AKAP7: variants seen among roughly 807,000 people sequenced by gnomAD.
The protein encoded by AKAP7 is A-kinase anchoring protein 7, also known as A kinase (PRKA) anchor protein 7.
Under a neutral mutation model 39.5 loss-of-function variants are expected in AKAP7, and 39 were observed. The observed-to-expected ratio is 0.99, with a 90% CI of 0.76 to 1.29. The LOEUF is 1.29. AKAP7 is among the 50% of genes most tolerant of loss of function. The pLI is 0.00. For synonymous variants in AKAP7, 140 were observed against 139.1 expected, an observed-to-expected ratio of 1.01 and a Z score of -0.05; for missense variants, 414 against 407.7, an observed-to-expected ratio of 1.02 and a Z score of -0.13.
intron 7 of AKAP7, among the ~76,000 whole-genome samples, chr6:131,260,380 A>G (rs1057075710): frequency 6.6e-6 from 1 of 152,152 alleles, no homozygotes; most frequent in Non-Finnish European, 1.5e-5. Flanking sequence ...GAATCTCCAC[A>G]CTGTCTTCCA....
At chr6:131,161,431 G>A (rs1356087006) in intron 3 of AKAP7, among the ~76,000 whole-genome samples, 2 of 151,666 alleles carry the variant, frequency 1.3e-5, no homozygotes, top group African/African-American at 4.8e-5. Flanking sequence ...GATCCCTCGA[G>A]CCCAGGAGTT....
intron 5 of AKAP7, among the ~76,000 whole-genome samples, chr6:131,192,608 A>G (rs542036129): frequency 4.6e-5 from 7 of 152,040 alleles, no homozygotes; most frequent in Non-Finnish European, 7.4e-5. Flanking sequence ...TGTTTTTTCT[A>G]TTTCTGTGAA....
At chr6:131,159,087 ATTTTATT>A (rs11269683) in intron 2 of AKAP7, among the ~76,000 whole-genome samples, 73,200 of 150,608 alleles carry the variant, frequency 0.49, 18,117 homozygotes, top group East Asian at 0.75. Context: ...AGTTTATTTT[ATTTTATT>A]TTTTATTTTT....
intron 7 of AKAP7, among the ~76,000 whole-genome samples, chr6:131,223,591 A>T (rs901643514): frequency 6.6e-6 from 1 of 152,174 alleles, no homozygotes; most frequent in Non-Finnish European, 1.5e-5. Flanking sequence ...TTTGATGAGG[A>T]CCAAACATTT....
At chr6:131,204,036 G>T (rs1332092193) in intron 6 of AKAP7, among the ~76,000 whole-genome samples, 2 of 152,080 alleles carry the variant, frequency 1.3e-5, no homozygotes, top group Non-Finnish European at 2.9e-5. Context: ...TGTATGAGAA[G>T]AACATTTGTT....
intron 6 of AKAP7, among the ~76,000 whole-genome samples, chr6:131,202,276 C>T (rs370049468): frequency 1.4e-5 from 2 of 145,702 alleles, no homozygotes; most frequent in African/African-American, 2.6e-5. Flanking sequence ...ACCCAAAGGA[C>T]TATAAATCAT....
rs1347850419 is a variant in AKAP7, at chr6:131,197,311, T to C, written c.590-2150T>C. On this transcript the variant is annotated intron_variant, in intron 5 of 7. Transcript: ENST00000431975. Reference sequence around the variant, plus strand: ...ATAGAATTTCGTATACTGATGCTTTTATTTCTTCGTATTTTCCTAGAATTG... The same window carrying C: ...ATAGAATTTCGTATACTGATGCTTTCATTTCTTCGTATTTTCCTAGAATTG... Among the ~76,000 whole-genome samples the C allele has an allele frequency of 2.0e-5, 3 of 152,330 alleles. No homozygotes were observed. The South Asian group carries it at 6.2e-4, about 32-fold the overall frequency.
intron 7 of AKAP7, among the ~76,000 whole-genome samples, chr6:131,276,166 A>G (rs1562260557): frequency 6.6e-6 from 1 of 152,256 alleles, no homozygotes; most frequent in Non-Finnish European, 1.5e-5. Flanking sequence ...ATCTAGAATA[A>G]ACCTTACAAA....
In AKAP7 at chr6:131,229,715, G is replaced by A. The variant is rs142882967; in HGVS notation, c.850+9907G>A. 4.6e-5 allele frequency among the ~76,000 whole-genome samples: 7 copies of A among 152,084 alleles called. No homozygotes were observed. In the East Asian group the frequency reaches 7.7e-4, roughly 17 times the overall value. ...TGAGGTATAACTTATATGCAAAACC[G>A]CACATACTTAAAAGTATACAACTAG... On this transcript the variant is annotated intron_variant, in intron 7 of 7. Transcript: ENST00000431975.
intron 2 of AKAP7, among the ~76,000 whole-genome samples, chr6:131,146,043 A>C (rs991290941): frequency 1.3e-5 from 2 of 152,198 alleles, no homozygotes; most frequent in African/African-American, 4.8e-5. Flanking sequence ...AGCCACTGCT[A>C]ATTTCAGCAG....
chr6:131,213,886 G>T (rs1808909875), intron 6 of AKAP7, among the ~76,000 whole-genome samples: 1 of 152,082 alleles, frequency 6.6e-6, no homozygotes, highest in African/African-American at 2.4e-5. Flanking sequence ...TGTGCTTGTT[G>T]TATTGAGCCT....
intron 6 of AKAP7, among the ~76,000 whole-genome samples, chr6:131,216,278 T>G (rs1282688359): frequency 6.6e-6 from 1 of 152,194 alleles, no homozygotes; most frequent in African/African-American, 2.4e-5. Flanking sequence ...CTTCCTGTAT[T>G]AAAAATAGAG....
chr6:131,267,164 G>A (rs1813868994), intron 7 of AKAP7, among the ~76,000 whole-genome samples: 1 of 152,076 alleles, frequency 6.6e-6, no homozygotes, highest in Admixed American at 6.6e-5. Flanking sequence ...TTAATATAAT[G>A]TTTTCACCCT....
intron 6 of AKAP7, among the ~76,000 whole-genome samples, chr6:131,211,699 G>A (rs1808661173): frequency 6.6e-6 from 1 of 150,496 alleles, no homozygotes; most frequent in Non-Finnish European, 1.5e-5. Context: ...CGAGAACCCG[G>A]GAGACGGAGG....
intron 1 of AKAP7, among the ~76,000 whole-genome samples, chr6:131,139,916 A>C (rs958014205): frequency 1.3e-5 from 2 of 152,248 alleles, no homozygotes; most frequent in African/African-American, 4.8e-5. Flanking sequence ...CATGTATAAC[A>C]TAAAGTATAC....
intron 7 of AKAP7, among the ~76,000 whole-genome samples, chr6:131,244,836 GAA>G (rs35818253): frequency 6.6e-6 from 1 of 151,076 alleles, no homozygotes. Flanking sequence ...CTGTTTTATA[GAA>G]AAAAAAATTC....
At chr6:131,234,760 A>T (rs1183235430) in intron 7 of AKAP7, among the ~76,000 whole-genome samples, 4 of 150,748 alleles carry the variant, frequency 2.7e-5, no homozygotes, top group Admixed American at 1.3e-4. Flanking sequence ...TTTTTTAATG[A>T]TACAACTAGT....
At chr6:131,279,122 T>C (rs1309214695) in intron 7 of AKAP7, among the ~76,000 whole-genome samples, 2 of 152,162 alleles carry the variant, frequency 1.3e-5, no homozygotes, top group Non-Finnish European at 2.9e-5. Context: ...GGAGAAATCA[T>C]GAAGCACAAT....
At chr6:131,185,363 A>G (rs1226504353) in intron 5 of AKAP7, 11 of 528,754 alleles carry the variant, frequency 2.1e-5, no homozygotes, top group Non-Finnish European at 1.1e-5. Context: ...CTGTGAGGCC[A>G]AGAAAGGCAG....
Sources: allele counts gnomAD v4.1 joint callset (sites outside exome capture counted in the v4.1 genomes callset), GRCh38; gene constraint gnomAD v4.1.1; transcripts MANE v1.5; gene names NCBI Gene and HGNC (gene_info 2026-07-23, HGNC 2026-07-21).